The following TENM3 variants were observed in gnomAD, a reference collection of about 807,000 sequenced individuals.
TENM3 encodes the protein teneurin-3.
A neutral mutation model predicts 255.1 loss-of-function variants in TENM3; 63 were observed. The ratio of observed to expected loss-of-function variants is 0.25; its 90% CI spans 0.20 to 0.30. The LOEUF is 0.30. Among genes scored for constraint, TENM3 ranks in the 10% least tolerant of loss-of-function variants. The pLI is 1.00. For missense variants in TENM3, 2,929 were observed against 3,461.1 expected (o/e 0.85, Z 3.86); for synonymous variants, 1,306 against 1,322.3 (o/e 0.99, Z 0.27).
At chr4:181,768,302 C>T in the TENM3 span, among the ~76,000 whole-genome samples, 1 of 152,068 alleles carries the variant, frequency 6.6e-6, no homozygotes, top group Non-Finnish European at 1.5e-5. Context: ...TGAGTAGGGG[C>T]CCGGGATGAC....
At chr4:182,039,619 T>C in the TENM3 span, among the ~76,000 whole-genome samples, 1 of 152,000 alleles carries the variant, frequency 6.6e-6, no homozygotes, top group Non-Finnish European at 1.5e-5. Context: ...TCTGTAGTGA[T>C]AGATATGCAC....
rs1764626117 is a variant in TENM3 at position 182,343,738 on chromosome 4, G to A, written c.233-2913G>A. Reference sequence around the variant, plus strand: ...TCAAAACTGCAGATGTTTTCCATCAGCATAGTGTATCTTGCTAAACACTGC... The same window carrying A: ...TCAAAACTGCAGATGTTTTCCATCAACATAGTGTATCTTGCTAAACACTGC... On this transcript the variant is annotated intron_variant, in intron 2 of 27. Coordinates refer to ENST00000511685, the MANE Select transcript of TENM3 (RefSeq NM_001080477.4). Among the ~76,000 whole-genome samples, 8 of 149,898 alleles carry A rather than the reference G, an allele frequency of 5.3e-5. No homozygotes were observed. The South Asian group carries it at 1.7e-3, about 32-fold the overall frequency.
chr4:182,433,692 G>C (rs1306583016), intron 3 of TENM3, among the ~76,000 whole-genome samples: 1 of 152,220 alleles, frequency 6.6e-6, no homozygotes, highest in African/African-American at 2.4e-5. Context: ...ATTTGAACAT[G>C]GGAGGAGCAT....
chr4:181,592,289 G>A, the TENM3 span, among the ~76,000 whole-genome samples: 3 of 56,774 alleles, frequency 5.3e-5, no homozygotes, highest in Admixed American at 3.3e-4. Flanking sequence ...AGCTGAGAAG[G>A]CCCCTTCTAT....
At chr4:182,014,044 GTA>G in the TENM3 span, among the ~76,000 whole-genome samples, 885 of 25,048 alleles carry the variant, frequency 0.035, 1 homozygote, top group Non-Finnish European at 0.043. Context: ...ACATATATAC[GTA>G]TATATACGTG....
At chr4:182,518,515 TAAA>T in intron 3 of TENM3, among the ~76,000 whole-genome samples, 1 of 145,516 alleles carries the variant, frequency 6.9e-6, no homozygotes, top group African/African-American at 2.5e-5. Context: ...CCAGTTAGCC[TAAA>T]AAAAAAAAAT....
chr4:181,604,113 A>C, the TENM3 span, among the ~76,000 whole-genome samples: 3 of 151,984 alleles, frequency 2.0e-5, no homozygotes, highest in African/African-American at 7.2e-5. Flanking sequence ...AAATACAAAA[A>C]AATTAGCCGG....
At position 182,708,667 on chromosome 4, in the gene TENM3, G is replaced by A. The variant is rs560093985; in HGVS notation, c.2222-5420G>A. On this transcript the variant is annotated intron_variant, in intron 12 of 27. Coordinates refer to ENST00000511685, the MANE Select transcript of TENM3 (RefSeq NM_001080477.4). ...ACAAAAATTAGCCAGGTGTGGTGGC[G>A]GGCGCCTGTAGTCCCAGCTACTCAG... Among the ~76,000 whole-genome samples, 99 of 152,148 alleles carry A rather than the reference G, an allele frequency of 6.5e-4. 1 individual carries two copies. Among genetic ancestry groups the A allele is most frequent in the Non-Finnish European group, 1.3e-3 (87 of 67,998 alleles).
chr4:182,417,836 C>G (rs1364351453), intron 3 of TENM3, among the ~76,000 whole-genome samples: 5 of 152,140 alleles, frequency 3.3e-5, no homozygotes, highest in Non-Finnish European at 7.4e-5. Context: ...TTGTTTTTAA[C>G]ATAGCTCTTT....
chr4:181,920,068 C>A, the TENM3 span, among the ~76,000 whole-genome samples: 2 of 151,670 alleles, frequency 1.3e-5, no homozygotes, highest in African/African-American at 2.4e-5. Flanking sequence ...TGAACTCATC[C>A]TTTTTTATGG....
chr4:182,519,998 G>T (rs1426241748), intron 3 of TENM3, among the ~76,000 whole-genome samples: 4 of 152,092 alleles, frequency 2.6e-5, no homozygotes. Context: ...AAGAGGTATA[G>T]GTGGGCAGGG....
chr4:181,757,462 G>GTGC, the TENM3 span, among the ~76,000 whole-genome samples: 2 of 152,114 alleles, frequency 1.3e-5, no homozygotes, highest in Non-Finnish European at 2.9e-5. Flanking sequence ...AATCGTCAGG[G>GTGC]TGCTGGATGT....
chr4:181,987,173 T>A, the TENM3 span, among the ~76,000 whole-genome samples: 1 of 152,088 alleles, frequency 6.6e-6, no homozygotes, highest in East Asian at 1.9e-4. Context: ...TCTTCATCTA[T>A]CCTCTTACCC....
chr4:182,157,272 C>T (rs1000984018), intron 1 of TENM3, among the ~76,000 whole-genome samples: 3 of 152,140 alleles, frequency 2.0e-5, no homozygotes, highest in South Asian at 2.1e-4. Flanking sequence ...CAGTCGAGGC[C>T]GGAGATACCC....
the TENM3 span, among the ~76,000 whole-genome samples, chr4:181,765,321 A>G: frequency 6.6e-6 from 1 of 152,134 alleles, no homozygotes; most frequent in African/African-American, 2.4e-5. Flanking sequence ...CTGTGATGTG[A>G]AGTCCTTTGA....
At chr4:181,878,051 C>A in the TENM3 span, among the ~76,000 whole-genome samples, 1 of 152,270 alleles carries the variant, frequency 6.6e-6, no homozygotes, top group Admixed American at 6.5e-5. Flanking sequence ...GGCTGTCACT[C>A]ACTGGGTGGA....
At chr4:181,983,729 G>C in the TENM3 span, among the ~76,000 whole-genome samples, 4 of 151,914 alleles carry the variant, frequency 2.6e-5, no homozygotes, top group Admixed American at 6.6e-5. Flanking sequence ...TATGCACTGG[G>C]ACCGATTTTT....
At chr4:182,054,122 T>G in the TENM3 span, among the ~76,000 whole-genome samples, 1 of 152,120 alleles carries the variant, frequency 6.6e-6, no homozygotes, top group African/African-American at 2.4e-5. Context: ...TATCACTCAT[T>G]TACATCTTCC....
chr4:182,032,858 C>G, the TENM3 span, among the ~76,000 whole-genome samples: 1 of 151,986 alleles, frequency 6.6e-6, no homozygotes, highest in East Asian at 1.9e-4. Flanking sequence ...ATAGTATTCT[C>G]TGATGGTTAT....
Sources: gnomAD v4.1 joint callset for allele counts (sites outside exome capture counted in the v4.1 genomes callset) on GRCh38, gnomAD v4.1.1 for gene constraint, MANE v1.5 for transcripts, NCBI Gene and HGNC (gene_info 2026-07-23, HGNC 2026-07-21) for gene names.